CCDC192: variants seen among roughly 807,000 people sequenced by gnomAD.
CCDC192 encodes the protein coiled-coil domain-containing protein 192.
rs543013285 is a variant in CCDC192 at position 127,881,021 on chromosome 5, A to G, written c.535+5360A>G. Among the ~76,000 whole-genome samples the G allele has an allele frequency of 7.2e-5, 11 of 152,284 alleles. No homozygotes were observed. The South Asian group carries it at 1.2e-3, about 17-fold the overall frequency. On this transcript the variant is annotated intron_variant, in intron 6 of 6. Coordinates refer to ENST00000514853, the MANE Select transcript of CCDC192 (RefSeq NM_001317938.2). Reference sequence around the variant, plus strand: ...TATAGATACATACATACAGTGTAATACTTAATGAGCAACCCATACCATGGG... The same window carrying G: ...TATAGATACATACATACAGTGTAATGCTTAATGAGCAACCCATACCATGGG...
At chr5:127,940,134 T>C (rs1754338735) in intron 6 of CCDC192, among the ~76,000 whole-genome samples, 1 of 152,216 alleles carries the variant, frequency 6.6e-6, no homozygotes, top group Non-Finnish European at 1.5e-5. Context: ...CACTCATCTT[T>C]TATCTCTTTG....
chr5:127,903,304 G>A (rs565131867), intron 6 of CCDC192, among the ~76,000 whole-genome samples: 99 of 151,190 alleles, frequency 6.5e-4, no homozygotes, highest in Non-Finnish European at 3.5e-4. Context: ...GTGCAATGGC[G>A]CAATCTCGGC....
intron 5 of CCDC192, among the ~76,000 whole-genome samples, chr5:127,820,538 C>T (rs1285617258): frequency 6.6e-6 from 1 of 152,206 alleles, no homozygotes; most frequent in East Asian, 1.9e-4. Flanking sequence ...GCTGAAATCA[C>T]ACCACTGCAC....
At chr5:127,865,780 G>A (rs1002086429) in intron 5 of CCDC192, among the ~76,000 whole-genome samples, 4 of 151,822 alleles carry the variant, frequency 2.6e-5, no homozygotes, top group African/African-American at 9.7e-5. Flanking sequence ...TCAGGCAAAT[G>A]AACTTGAAGG....
At chr5:127,888,629 A>G (rs2127153197) in intron 6 of CCDC192, among the ~76,000 whole-genome samples, 1 of 152,318 alleles carries the variant, frequency 6.6e-6, no homozygotes, top group East Asian at 1.9e-4. Flanking sequence ...ACTAAGTGTC[A>G]TGTAGTCATA....
At chr5:127,880,440 T>C in intron 6 of CCDC192, among the ~76,000 whole-genome samples, 2 of 98,612 alleles carry the variant, frequency 2.0e-5, no homozygotes, top group African/African-American at 4.1e-5. Context: ...TATCACACTC[T>C]GGGGACTGTG....
intron 3 of CCDC192, chr5:127,784,987 TC>T: frequency 2.1e-6 from 1 of 478,132 alleles, no homozygotes; most frequent in Non-Finnish European, 4.2e-6. Flanking sequence ...ATTTTCATCT[TC>T]CAAGACCAAT....
intron 3 of CCDC192, among the ~76,000 whole-genome samples, chr5:127,769,088 A>G (rs188555872): frequency 9.2e-5 from 14 of 152,336 alleles, no homozygotes; most frequent in African/African-American, 2.9e-4. Context: ...CTATTCTGCA[A>G]TATTAATTAC....
chr5:127,907,500 T>C (rs1467422041), intron 6 of CCDC192, among the ~76,000 whole-genome samples: 2 of 151,348 alleles, frequency 1.3e-5, no homozygotes, highest in East Asian at 4.2e-4. Context: ...ATTTATTTCC[T>C]TTCTCAACAG....
At chr5:127,907,668 G>C (rs1213607475) in intron 6 of CCDC192, among the ~76,000 whole-genome samples, 2 of 152,086 alleles carry the variant, frequency 1.3e-5, no homozygotes. Context: ...ACTTCAAAAG[G>C]GTTTAAATTT....
At position 127,815,249 on chromosome 5, in the gene CCDC192, T is replaced by C. The variant is rs577726094; in HGVS notation, c.411+17087T>C. On this transcript the variant is annotated intron_variant, in intron 5 of 6. Coordinates refer to ENST00000514853, the MANE Select transcript of CCDC192 (RefSeq NM_001317938.2). ...TTTAGAAAGAGTCGATGGATATTTGTGTGCCATTTTCTGTTGACTCCCGCA... is the reference window on the plus strand; with the variant it reads ...TTTAGAAAGAGTCGATGGATATTTGCGTGCCATTTTCTGTTGACTCCCGCA... 1.4e-4 allele frequency among the ~76,000 whole-genome samples: 22 copies of C among 152,346 alleles called. 1 individual carries two copies. The South Asian group carries it at 4.6e-3, about 32-fold the overall frequency.
intron 2 of CCDC192, among the ~76,000 whole-genome samples, chr5:127,747,422 C>T (rs995754916): frequency 1.3e-5 from 2 of 152,108 alleles, no homozygotes; most frequent in Non-Finnish European, 2.9e-5. Context: ...CATGTCCCTA[C>T]AAAGGACATG....
intron 3 of CCDC192, among the ~76,000 whole-genome samples, chr5:127,796,415 T>C (rs1757169720): frequency 6.6e-6 from 1 of 152,052 alleles, no homozygotes; most frequent in African/African-American, 2.4e-5. Flanking sequence ...TGCTGACCTA[T>C]AGAGAAAAAG....
chr5:127,842,216 G>T (rs245198), intron 5 of CCDC192, among the ~76,000 whole-genome samples: 111,488 of 151,026 alleles, frequency 0.74, 41,597 homozygotes, highest in African/African-American at 0.88. Context: ...TTTATTATTA[G>T]TATTTTTAAT....
At chr5:127,927,311 T>C (rs917929782) in intron 6 of CCDC192, among the ~76,000 whole-genome samples, 4 of 152,184 alleles carry the variant, frequency 2.6e-5, no homozygotes, top group Non-Finnish European at 4.4e-5. Flanking sequence ...TTTTTGTTAA[T>C]CTCTTATTGT....
intron 6 of CCDC192, among the ~76,000 whole-genome samples, chr5:127,900,222 TC>T (rs1753001402): frequency 6.6e-6 from 1 of 152,174 alleles, no homozygotes; most frequent in Admixed American, 6.5e-5. Context: ...AATATGGAAA[TC>T]CCTAGCACCA....
intron 3 of CCDC192, among the ~76,000 whole-genome samples, chr5:127,789,178 T>G (rs1298939208): frequency 2.0e-5 from 3 of 152,202 alleles, no homozygotes; most frequent in Non-Finnish European, 4.4e-5. Context: ...TAACAAGAAG[T>G]GGGATGCTAC....
At chr5:127,792,450 A>G (rs1039474640) in intron 3 of CCDC192, among the ~76,000 whole-genome samples, 6 of 151,814 alleles carry the variant, frequency 4.0e-5, no homozygotes, top group Non-Finnish European at 7.4e-5. Context: ...GGTGCCTCCA[A>G]TGACATGTGG....
intron 3 of CCDC192, among the ~76,000 whole-genome samples, chr5:127,757,724 A>G (rs116006447): frequency 0.013 from 2,003 of 149,340 alleles, 37 homozygotes; most frequent in African/African-American, 0.043. Flanking sequence ...CCATGCCACT[A>G]AGGGATTGCA....
Sources: allele counts gnomAD v4.1 joint callset (sites outside exome capture counted in the v4.1 genomes callset), GRCh38; gene constraint gnomAD v4.1.1; transcripts MANE v1.5; gene names NCBI Gene and HGNC (gene_info 2026-07-23, HGNC 2026-07-21).